MIR2052HG: variants seen among roughly 807,000 people sequenced by gnomAD.
The protein encoded by MIR2052HG is MIR2052 host gene.
chr8:74,733,160 C>A (rs1809711701), intron 4 of MIR2052HG, among the ~76,000 whole-genome samples: 1 of 151,708 alleles, frequency 6.6e-6, no homozygotes, highest in Admixed American at 6.6e-5. Context: ...ATACATGTGC[C>A]ATGCTGGTGC....
intron 2 of MIR2052HG, among the ~76,000 whole-genome samples, chr8:74,647,533 C>A (rs962585014): frequency 4.6e-5 from 7 of 152,004 alleles, no homozygotes; most frequent in African/African-American, 1.5e-4. Flanking sequence ...TTTTTTCATT[C>A]AGATTTATTG....
intron 2 of MIR2052HG, among the ~76,000 whole-genome samples, chr8:74,681,454 G>C (rs1191973877): frequency 6.6e-6 from 1 of 152,102 alleles, no homozygotes; most frequent in Non-Finnish European, 1.5e-5. Flanking sequence ...ATAATCAAGA[G>C]AGCCTGGTAT....
At chr8:74,614,636 ATTTCT>A (rs1228158180) in intron 2 of MIR2052HG, among the ~76,000 whole-genome samples, 3 of 151,642 alleles carry the variant, frequency 2.0e-5, no homozygotes, top group Non-Finnish European at 2.9e-5. Flanking sequence ...CTTTACTTGT[ATTTCT>A]TTTCTTTATT....
At chr8:74,618,601 A>G (rs549585210) in intron 2 of MIR2052HG, among the ~76,000 whole-genome samples, 5 of 152,352 alleles carry the variant, frequency 3.3e-5, no homozygotes, top group African/African-American at 1.2e-4. Flanking sequence ...ACATTATTTC[A>G]TCATAAAAAC....
intron 4 of MIR2052HG, among the ~76,000 whole-genome samples, chr8:74,741,414 A>G (rs1447834422): frequency 6.6e-6 from 1 of 152,172 alleles, no homozygotes; most frequent in African/African-American, 2.4e-5. Context: ...AAAAGGTTTG[A>G]CCTTTTCTAA....
intron 5 of MIR2052HG, chr8:74,752,555 T>C (rs117118162): frequency 0.034 from 15,415 of 453,326 alleles, 367 homozygotes; most frequent in Non-Finnish European, 0.048. Context: ...AGATATTTTC[T>C]CTCTGACTTT....
chr8:74,713,635 C>A (rs565937716), intron 4 of MIR2052HG, among the ~76,000 whole-genome samples: 3 of 152,042 alleles, frequency 2.0e-5, no homozygotes, highest in African/African-American at 7.2e-5. Context: ...CCATAGGATG[C>A]TAATATATGA....
At chr8:74,653,910 A>C (rs1415334951) in intron 2 of MIR2052HG, among the ~76,000 whole-genome samples, 1 of 152,180 alleles carries the variant, frequency 6.6e-6, no homozygotes, top group African/African-American at 2.4e-5. Context: ...TGTTGATTTA[A>C]ATAGATTTTT....
chr8:74,722,021 G>A (rs1166450757), intron 4 of MIR2052HG, among the ~76,000 whole-genome samples: 3 of 152,126 alleles, frequency 2.0e-5, no homozygotes, highest in African/African-American at 7.2e-5. Flanking sequence ...AGCAAGACCC[G>A]TTTCTACAAA....
chr8:74,689,074 A>AT (rs1809213105), intron 2 of MIR2052HG, among the ~76,000 whole-genome samples: 1 of 152,042 alleles, frequency 6.6e-6, no homozygotes, highest in South Asian at 2.1e-4. Flanking sequence ...TGAATTACTG[A>AT]TTTTTTGGCT....
chr8:74,758,244 G>A (rs1810026043), intron 6 of MIR2052HG: 1 of 151,694 alleles, frequency 6.6e-6, no homozygotes, highest in East Asian at 1.9e-4. Context: ...AAAATTTCAT[G>A]TATTTCCAGC....
chr8:74,619,151 G>C (rs761958204), intron 2 of MIR2052HG, among the ~76,000 whole-genome samples: 57 of 152,022 alleles, frequency 3.7e-4, no homozygotes, highest in Non-Finnish European at 7.4e-5. Flanking sequence ...TATATCCTAT[G>C]TACCTGGATT....
At chr8:74,650,178 C>G (rs962876639) in intron 2 of MIR2052HG, among the ~76,000 whole-genome samples, 1 of 152,112 alleles carries the variant, frequency 6.6e-6, no homozygotes, top group Admixed American at 6.6e-5. Flanking sequence ...ATAACTACCA[C>G]CACAATCAGG....
exon 1 of MIR2052HG, chr8:74,599,799 G>C (rs1807955456): frequency 6.4e-6 from 1 of 155,758 alleles, no homozygotes; most frequent in Non-Finnish European, 1.4e-5. Flanking sequence ...ATCAAGCCTG[G>C]GCAATGGCGG....
intron 2 of MIR2052HG, among the ~76,000 whole-genome samples, chr8:74,674,898 A>G (rs1348611697): frequency 6.6e-6 from 1 of 151,944 alleles, no homozygotes; most frequent in Non-Finnish European, 1.5e-5. Context: ...TTCTATTACA[A>G]TTGGAACCTG....
chr8:74,719,849 C>CTTTTTTTTTTTTTTTTTTTTTTTT (rs10647233), intron 4 of MIR2052HG, among the ~76,000 whole-genome samples: 16 of 106,710 alleles, frequency 1.5e-4, no homozygotes, highest in East Asian at 3.1e-4. Context: ...TTTCTTTTTT[C>CTTTTTTTTTTTTTTTTTTTTTTTT]TTTTTTTTTT....
intron 2 of MIR2052HG, among the ~76,000 whole-genome samples, chr8:74,636,005 T>A (rs1347778193): frequency 6.6e-6 from 1 of 152,180 alleles, no homozygotes; most frequent in African/African-American, 2.4e-5. Context: ...TCTTTCCTTA[T>A]CTCTGTTTCT....
At chr8:74,670,577 A>G (rs2128737953) in intron 2 of MIR2052HG, among the ~76,000 whole-genome samples, 1 of 152,318 alleles carries the variant, frequency 6.6e-6, no homozygotes, top group East Asian at 1.9e-4. Flanking sequence ...GCTAATCACT[A>G]GAGTTCAGGA....
chr8:74,648,753 T>C lies in MIR2052HG; in HGVS notation n.216+35813T>C, dbSNP rs115416465. Among the ~76,000 whole-genome samples, 373 of 151,976 alleles carry C rather than the reference T, an allele frequency of 2.5e-3. 1 individual carries two copies. The highest frequency in any genetic ancestry group is 8.2e-3 in the African/African-American group (339 of 41,374). On this transcript the variant is annotated intron_variant and non_coding_transcript_variant, in intron 2 of 6. Coordinates refer to ENST00000523442, the Ensembl canonical transcript of MIR2052HG. ...ATACGTATTATTTTCTTATATTTCA[T>C]TGGGTAAGTGAACTAAGGAATACTG...
Sources: gnomAD v4.1 joint callset for allele counts (sites outside exome capture counted in the v4.1 genomes callset) on GRCh38, gnomAD v4.1.1 for gene constraint, MANE v1.5 for transcripts, NCBI Gene and HGNC (gene_info 2026-07-23, HGNC 2026-07-21) for gene names.